HDAC4: variants seen among roughly 807,000 people sequenced by gnomAD.
The protein encoded by HDAC4 is histone deacetylase A.
A neutral mutation model predicts 135.1 loss-of-function variants in HDAC4; 16 were observed. The observed-to-expected ratio is 0.12, with a 90% CI of 0.08 to 0.18. The LOEUF is 0.18. Ranked by LOEUF, HDAC4 falls within the 10% of genes least tolerant of loss-of-function variation. The probability of loss-of-function intolerance (pLI) is 1.00; values close to 1 mark genes in which losing one functional copy is unlikely to be tolerated. For missense variants in HDAC4, 1,143 were observed against 1,511.8 expected, an observed-to-expected ratio of 0.76 and a Z score of 4.05; for synonymous variants, 685 against 653.4, an observed-to-expected ratio of 1.05 and a Z score of -0.74.
At chr2:239,393,122 G>A (rs539751978) in intron 1 of HDAC4, among the ~76,000 whole-genome samples, 22 of 152,296 alleles carry the variant, frequency 1.4e-4, no homozygotes, top group African/African-American at 3.4e-4. Flanking sequence ...GACCCCCGGC[G>A]TGTGAGCCAC....
At chr2:239,213,225 G>A (rs975016240) in intron 3 of HDAC4, among the ~76,000 whole-genome samples, 1 of 49,008 alleles carries the variant, frequency 2.0e-5, no homozygotes, top group African/African-American at 8.5e-5. Context: ...CAAAGTAGGG[G>A]CCAGGGAGGG....
intron 3 of HDAC4, among the ~76,000 whole-genome samples, chr2:239,202,537 G>T (rs1230115456): frequency 6.6e-6 from 1 of 152,060 alleles, no homozygotes; most frequent in Non-Finnish European, 1.5e-5. Context: ...GGCAACCGGA[G>T]CTCTGGGAGA....
At position 239,111,797 on chromosome 2, in the gene HDAC4, G is replaced by A. The variant is rs1559449662; in HGVS notation, c.1792-85C>T. On this transcript the variant is annotated intron_variant, in intron 13 of 26. Transcript: ENST00000543185. ...GGCTAGGGGTTGCCCTCTCTTGCAAGTCTCCCGTCCACGCACAGGCCATAC... is the reference window on the plus strand; with the variant it reads ...GGCTAGGGGTTGCCCTCTCTTGCAAATCTCCCGTCCACGCACAGGCCATAC... The A allele has an allele frequency of 3.1e-6, 4 of 1,300,214 alleles. No individual in the cohort carries two copies. In the East Asian group the frequency reaches 7.5e-5, roughly 25 times the overall value. The allele number at this position is 1,300,214 out of a possible 1,614,324, so 80.5% of individuals were successfully genotyped here.
intron 2 of HDAC4, among the ~76,000 whole-genome samples, chr2:239,332,185 T>C (rs556577383): frequency 1.3e-5 from 2 of 152,330 alleles, no homozygotes; most frequent in East Asian, 1.9e-4. Context: ...ATTCCCACTA[T>C]CTGACAGAAA....
intron 1 of HDAC4, among the ~76,000 whole-genome samples, chr2:239,353,403 T>C (rs1191690575): frequency 6.6e-6 from 1 of 152,212 alleles, no homozygotes; most frequent in African/African-American, 2.4e-5. Context: ...GGGATTTTTG[T>C]TAGTAAATCA....
At chr2:239,156,920 A>G in intron 6 of HDAC4, 147 bp from the exon 7 acceptor site, 3 of 916,762 alleles carry the variant, frequency 3.3e-6, no homozygotes, top group Non-Finnish European at 5.2e-6. Context: ...GTCAAGCTGA[A>G]ATTAAATGGA....
At chr2:239,360,352 C>A (rs1193824508) in intron 1 of HDAC4, among the ~76,000 whole-genome samples, 1 of 152,246 alleles carries the variant, frequency 6.6e-6, no homozygotes, top group Non-Finnish European at 1.5e-5. Context: ...CGTGTCACAG[C>A]TGGGGAGACT....
At chr2:239,257,499 T>C (rs1370324423) in intron 2 of HDAC4, among the ~76,000 whole-genome samples, 4 of 152,066 alleles carry the variant, frequency 2.6e-5, no homozygotes, top group Admixed American at 2.0e-4. Context: ...CTCTTGCAGA[T>C]ATTAGGGTTA....
At chr2:239,342,946 G>A (rs1402365047) in intron 2 of HDAC4, among the ~76,000 whole-genome samples, 1 of 152,202 alleles carries the variant, frequency 6.6e-6, no homozygotes, top group Non-Finnish European at 1.5e-5. Flanking sequence ...CTCCCTGAGA[G>A]GCAGAATTTA....
At chr2:239,327,806 T>C (rs913052409) in intron 2 of HDAC4, among the ~76,000 whole-genome samples, 9 of 152,306 alleles carry the variant, frequency 5.9e-5, no homozygotes, top group African/African-American at 1.4e-4. Context: ...GCCAAATTCA[T>C]GGGCATGGCC....
intron 20 of HDAC4, 96 bp from the exon 21 acceptor site, chr2:239,082,317 A>AAC: frequency 6.7e-7 from 1 of 1,488,666 alleles, no homozygotes; most frequent in Non-Finnish European, 9.4e-7. Context: ...GCTTAGTGAC[A>AAC]ACGGCTCCTG....
intron 22 of HDAC4, among the ~76,000 whole-genome samples, chr2:239,078,122 T>TTCACCG (rs2034947818): frequency 2.0e-5 from 3 of 152,192 alleles, no homozygotes; most frequent in Non-Finnish European, 4.4e-5. Flanking sequence ...GAGCACCATC[T>TTCACCG]TCATCGTCAT....
At chr2:239,284,350 C>T (rs562258036) in intron 2 of HDAC4, among the ~76,000 whole-genome samples, 75 of 152,304 alleles carry the variant, frequency 4.9e-4, no homozygotes, top group African/African-American at 1.6e-3. Context: ...AGTGAGCCAA[C>T]GCATGGGGGC....
chr2:239,391,024 C>G (rs1348982021), intron 1 of HDAC4, among the ~76,000 whole-genome samples: 1 of 152,250 alleles, frequency 6.6e-6, no homozygotes, highest in Non-Finnish European at 1.5e-5. Flanking sequence ...AAAGCCGTGG[C>G]ACAGTGTCCA....
intron 22 of HDAC4, among the ~76,000 whole-genome samples, chr2:239,074,427 G>A (rs1016792987): frequency 1.3e-5 from 2 of 152,174 alleles, no homozygotes; most frequent in Admixed American, 6.5e-5. Context: ...TGTGAAAATC[G>A]CCGTTAAATG....
chr2:239,246,587 C>T (rs13012352), intron 2 of HDAC4, among the ~76,000 whole-genome samples: 246 of 152,342 alleles, frequency 1.6e-3, no homozygotes, highest in Non-Finnish European at 3.0e-3. Flanking sequence ...CTTCCTGCTC[C>T]GCAGGGCCCT....
intron 1 of HDAC4, among the ~76,000 whole-genome samples, chr2:239,360,845 A>G (rs1693819082): frequency 6.6e-6 from 1 of 152,162 alleles, no homozygotes; most frequent in Admixed American, 6.5e-5. Context: ...CCATAGAAGT[A>G]CTGGGTTGGA....
At chr2:239,223,321 T>C (rs1033546301) in intron 3 of HDAC4, among the ~76,000 whole-genome samples, 15 of 152,220 alleles carry the variant, frequency 9.9e-5, no homozygotes, top group African/African-American at 3.6e-4. Context: ...CCCCTCTCTC[T>C]GGGGCGAGCC....
At chr2:239,097,773 C>A (rs545785671) in intron 16 of HDAC4, among the ~76,000 whole-genome samples, 2 of 151,210 alleles carry the variant, frequency 1.3e-5, no homozygotes, top group African/African-American at 2.5e-5. Flanking sequence ...TGCTGCCCGT[C>A]GTCTGTAGTG....
Sources: allele counts gnomAD v4.1 joint callset (sites outside exome capture counted in the v4.1 genomes callset), GRCh38; gene constraint gnomAD v4.1.1; transcripts MANE v1.5; gene names NCBI Gene and HGNC (gene_info 2026-07-23, HGNC 2026-07-21).